The following OSBPL6 variants were observed in gnomAD, a reference collection of about 807,000 sequenced individuals.
OSBPL6 encodes oxysterol binding protein like 6, also known as oxysterol-binding protein-related protein 6.
A neutral mutation model predicts 125.8 loss-of-function variants in OSBPL6; 49 were observed. The ratio of observed to expected loss-of-function variants is 0.39; its 90% CI spans 0.31 to 0.49. OSBPL6 has a LOEUF of 0.49. Among genes scored for constraint, OSBPL6 ranks in the 20% least tolerant of loss-of-function variants. The probability of loss-of-function intolerance (pLI) is 0.88; values close to 1 mark genes in which losing one functional copy is unlikely to be tolerated. For synonymous variants in OSBPL6, 394 were observed against 391.8 expected, an observed-to-expected ratio of 1.01 and a Z score of -0.07; for missense variants, 986 against 1,135.4, an observed-to-expected ratio of 0.87 and a Z score of 1.89.
chr2:178,234,911 G>T (rs1213468286), intron 1 of OSBPL6, among the ~76,000 whole-genome samples: 1 of 152,184 alleles, frequency 6.6e-6, no homozygotes, highest in South Asian at 2.1e-4. Context: ...GTTTCAGAGA[G>T]ATTGGCCTTG....
intron 1 of OSBPL6, among the ~76,000 whole-genome samples, chr2:178,206,570 A>T (rs549748037): frequency 2.6e-5 from 4 of 152,116 alleles, no homozygotes; most frequent in Non-Finnish European, 5.9e-5. Flanking sequence ...GGCTTTAGTA[A>T]GCTCTTTACC....
intron 2 of OSBPL6, among the ~76,000 whole-genome samples, chr2:178,289,426 TC>T (rs1685034326): frequency 6.6e-6 from 1 of 152,238 alleles, no homozygotes; most frequent in Admixed American, 6.5e-5. Context: ...CTCAGATTCA[TC>T]TATCTCCTTC....
chr2:178,314,514 C>T (rs1388965907), intron 3 of OSBPL6, among the ~76,000 whole-genome samples: 2 of 152,216 alleles, frequency 1.3e-5, no homozygotes, highest in African/African-American at 2.4e-5. Flanking sequence ...GGAATCCACT[C>T]ATCCCATGGA....
intron 1 of OSBPL6, among the ~76,000 whole-genome samples, chr2:178,266,179 A>C (rs966446190): frequency 6.6e-5 from 10 of 152,200 alleles, no homozygotes; most frequent in Admixed American, 6.5e-4. Flanking sequence ...GATCACACTG[A>C]GATTCACGGG....
chr2:178,333,743 C>A lies in OSBPL6; in HGVS notation c.657+702C>A, dbSNP rs141272058. On this transcript the variant is annotated intron_variant, in intron 8 of 24. Coordinates refer to ENST00000190611, the MANE Select transcript of OSBPL6 (RefSeq NM_032523.4). Reference sequence around the variant, plus strand: ...AATGAAACTTGCCTTTGTGTCTTGACCTATAATATATACATGAGAGGCTAT... The same window carrying A: ...AATGAAACTTGCCTTTGTGTCTTGAACTATAATATATACATGAGAGGCTAT... Among the ~76,000 whole-genome samples, 351 of 152,252 alleles carry A rather than the reference C, an allele frequency of 2.3e-3. 1 individual carries two copies. Among genetic ancestry groups the A allele is most frequent in the Middle Eastern group, 0.01 (3 of 294 alleles).
At chr2:178,284,896 G>T (rs1322646554) in intron 1 of OSBPL6, 31 bp from the exon 2 acceptor site, 2 of 396,396 alleles carry the variant, frequency 5.0e-6, no homozygotes, top group East Asian at 7.1e-5. Flanking sequence ...TTGTAAAGAT[G>T]TACTATATGA....
At chr2:178,257,014 C>A (rs1016669203) in intron 1 of OSBPL6, among the ~76,000 whole-genome samples, 4 of 152,180 alleles carry the variant, frequency 2.6e-5, no homozygotes, top group African/African-American at 9.6e-5. Context: ...CACATATCTA[C>A]TTTTAGCTGG....
chr2:178,243,239 C>T (rs2091359654), intron 1 of OSBPL6, among the ~76,000 whole-genome samples: 1 of 152,152 alleles, frequency 6.6e-6, no homozygotes, highest in African/African-American at 2.4e-5. Context: ...TAGTGGGAAG[C>T]TGGGAATGAC....
At position 178,306,252 on chromosome 2, in the gene OSBPL6, C is replaced by T; in HGVS notation, c.68C>T (p.Ser23Phe). The change falls in exon 3 of 25, where the codon TCC (serine) becomes TTC (phenylalanine). Residue 23 changes from serine (S) to phenylalanine (F), a missense_variant. By Grantham distance (155) the Ser-to-Phe change is radical. Transcript: ENST00000190611. ...TCCACTCCAACCCATAGAAGTGCCT[C>T]CTCTTCAACATCCTCCCAAAGGGAC... is the stretch of plus-strand genomic sequence containing the variant. ...KTSTPTHRSA[S>F]SSTSSQRDSR... 1.2e-6 allele frequency: 2 copies of T among 1,613,708 alleles called. No individual in the cohort carries two copies. Among genetic ancestry groups the T allele is most frequent in the Non-Finnish European group, 1.7e-6 (2 of 1,179,630 alleles).
intron 17 of OSBPL6, 88 bp downstream of exon 17, chr2:178,383,365 C>A: frequency 6.7e-7 from 1 of 1,481,774 alleles, no homozygotes; most frequent in Non-Finnish European, 8.9e-7. Flanking sequence ...ATATATTTGG[C>A]ATTTGCATAA....
intron 2 of OSBPL6, among the ~76,000 whole-genome samples, chr2:178,302,590 TA>T (rs1044979152): frequency 3.6e-4 from 55 of 152,058 alleles, no homozygotes; most frequent in East Asian, 3.5e-3. Flanking sequence ...CCCTTTCTGT[TA>T]AAAAAAATAA....
chr2:178,358,471 C>T (rs1692024446), intron 12 of OSBPL6, among the ~76,000 whole-genome samples: 1 of 152,014 alleles, frequency 6.6e-6, no homozygotes, highest in Non-Finnish European at 1.5e-5. Flanking sequence ...TAATTTTCAA[C>T]AAAGGCACCA....
chr2:178,324,543 C>T (rs1688527411), intron 4 of OSBPL6, among the ~76,000 whole-genome samples: 1 of 152,134 alleles, frequency 6.6e-6, no homozygotes, highest in Admixed American at 6.6e-5. Context: ...ATTGCCTTCC[C>T]TGTTGGAGAT....
At chr2:178,370,420 C>A (rs1693267923) in intron 13 of OSBPL6, among the ~76,000 whole-genome samples, 1 of 152,188 alleles carries the variant, frequency 6.6e-6, no homozygotes, top group African/African-American at 2.4e-5. Flanking sequence ...AGAGAAGCAA[C>A]AAAGAAGAAA....
chr2:178,258,280 T>A (rs768699628), intron 1 of OSBPL6, among the ~76,000 whole-genome samples: 4 of 152,022 alleles, frequency 2.6e-5, no homozygotes, highest in Admixed American at 2.0e-4. Flanking sequence ...TTTCTGTGTT[T>A]AGTAGAGAAG....
intron 1 of OSBPL6, among the ~76,000 whole-genome samples, chr2:178,268,592 G>A (rs995246118): frequency 6.6e-6 from 1 of 152,126 alleles, no homozygotes; most frequent in Admixed American, 6.5e-5. Context: ...ACACATTAGT[G>A]CAGCCTGTCT....
intron 1 of OSBPL6, among the ~76,000 whole-genome samples, chr2:178,233,492 A>C (rs2090921580): frequency 6.6e-6 from 1 of 152,112 alleles, no homozygotes; most frequent in Non-Finnish European, 1.5e-5. Flanking sequence ...ATGCTATTTC[A>C]TCCAGAATTA....
intron 1 of OSBPL6, among the ~76,000 whole-genome samples, chr2:178,267,716 G>C (rs1314406020): frequency 6.6e-6 from 1 of 151,722 alleles, no homozygotes; most frequent in African/African-American, 2.4e-5. Context: ...TACTGCACTA[G>C]GCATTTAACA....
chr2:178,302,158 C>T (rs577969029), intron 2 of OSBPL6, among the ~76,000 whole-genome samples: 1 of 152,122 alleles, frequency 6.6e-6, no homozygotes, highest in Admixed American at 6.5e-5. Flanking sequence ...GAGATTTATG[C>T]CACTCAATGA....
Sources: gnomAD v4.1 joint callset for allele counts (sites outside exome capture counted in the v4.1 genomes callset) on GRCh38, gnomAD v4.1.1 for gene constraint, MANE v1.5 for transcripts, NCBI Gene and HGNC (gene_info 2026-07-23, HGNC 2026-07-21) for gene names.